Variants in LRP1B observed in about 807,000 individuals in gnomAD.
LRP1B encodes the protein LDL receptor related protein 1B, also known as low-density lipoprotein receptor-related protein 1B.
In LRP1B, 217 loss-of-function variants were observed where a neutral mutation model predicts 556.6. That is an observed-to-expected ratio of 0.39 (90% CI 0.35 to 0.44). LRP1B has a LOEUF of 0.44. Ranked by LOEUF, LRP1B falls within the 20% of genes least tolerant of loss-of-function variation. LRP1B has a pLI of 1.00. For synonymous variants in LRP1B, 2,047 were observed against 1,865.8 expected, an observed-to-expected ratio of 1.10 and a Z score of -2.50; for missense variants, 5,053 against 5,620.8, an observed-to-expected ratio of 0.90 and a Z score of 3.23.
At chr2:140,793,461 T>A (rs1490052048) in intron 32 of LRP1B, among the ~76,000 whole-genome samples, 2 of 152,010 alleles carry the variant, frequency 1.3e-5, no homozygotes, top group Non-Finnish European at 2.9e-5. Flanking sequence ...TATTAAAATA[T>A]GAACATTTTG....
intron 1 of LRP1B, among the ~76,000 whole-genome samples, chr2:142,067,789 C>T (rs1031599257): frequency 6.6e-6 from 1 of 151,558 alleles, no homozygotes; most frequent in Non-Finnish European, 1.5e-5. Context: ...GACCATAGCA[C>T]CTCTTATGAG....
intron 3 of LRP1B, among the ~76,000 whole-genome samples, chr2:141,460,570 T>A (rs1681828213): frequency 1.3e-5 from 2 of 152,146 alleles, no homozygotes; most frequent in Admixed American, 1.3e-4. Flanking sequence ...CCTGATATAA[T>A]CTGATTCAAG....
At chr2:140,771,303 A>T (rs1342056726) in intron 33 of LRP1B, among the ~76,000 whole-genome samples, 1 of 152,154 alleles carries the variant, frequency 6.6e-6, no homozygotes, top group African/African-American at 2.4e-5. Flanking sequence ...TTTTAAGATC[A>T]GAGAAACCAG....
intron 22 of LRP1B, among the ~76,000 whole-genome samples, 180 bp downstream of exon 22, chr2:140,907,697 A>T (rs565251225): frequency 7.9e-5 from 12 of 152,282 alleles, no homozygotes; most frequent in African/African-American, 2.6e-4. Flanking sequence ...ATTTCTGATC[A>T]CATTGAAGAC....
chr2:140,444,738 A>G lies in LRP1B; in HGVS notation c.10058-59T>C, dbSNP rs570132248. ...AATCTTACCTCACAACTTCTTAAACATAGAGTTTCTGACATTCAAGATATT... is the reference window on the plus strand; with the variant it reads ...AATCTTACCTCACAACTTCTTAAACGTAGAGTTTCTGACATTCAAGATATT... On this transcript the variant is annotated intron_variant, in intron 63 of 90. Coordinates refer to ENST00000389484, the MANE Select transcript of LRP1B (RefSeq NM_018557.3). 10 of 1,000,360 alleles carry G rather than the reference A, an allele frequency of 1.0e-5. No individual in the cohort carries two copies. In the African/African-American group the frequency reaches 1.1e-4, roughly 11 times the overall value. The allele number at this position is 1,000,360 out of a possible 1,614,324, so 62.0% of individuals were successfully genotyped here.
intron 3 of LRP1B, among the ~76,000 whole-genome samples, chr2:141,442,581 C>T (rs145568806): frequency 0.016 from 2,446 of 152,158 alleles, 31 homozygotes; most frequent in Non-Finnish European, 0.024. Flanking sequence ...CCTCCCTCAG[C>T]CCCCAACCTG....
chr2:140,846,772 AG>A (rs952964769), intron 29 of LRP1B, among the ~76,000 whole-genome samples: 16 of 152,108 alleles, frequency 1.1e-4, no homozygotes, highest in African/African-American at 3.9e-4. Context: ...AAGAAGAGAA[AG>A]GTTTCCACAG....
At chr2:141,938,227 A>G (rs1700694874) in intron 1 of LRP1B, among the ~76,000 whole-genome samples, 1 of 152,176 alleles carries the variant, frequency 6.6e-6, no homozygotes, top group Non-Finnish European at 1.5e-5. Context: ...TAATTTCTAA[A>G]GTATACAAGG....
intron 2 of LRP1B, among the ~76,000 whole-genome samples, chr2:141,715,751 G>T (rs1378048892): frequency 1.3e-5 from 2 of 152,116 alleles, no homozygotes; most frequent in Admixed American, 6.5e-5. Context: ...GGAGGCAGAG[G>T]TTGTAGTGAG....
intron 3 of LRP1B, among the ~76,000 whole-genome samples, chr2:141,330,005 A>ATT (rs1559009454): frequency 3.3e-5 from 5 of 151,692 alleles, no homozygotes; most frequent in African/African-American, 4.8e-5. Flanking sequence ...TTATAGATAA[A>ATT]AAAAAAAAGC....
At chr2:140,772,849 T>G (rs988273739) in intron 33 of LRP1B, among the ~76,000 whole-genome samples, 5 of 152,106 alleles carry the variant, frequency 3.3e-5, no homozygotes, top group African/African-American at 4.8e-5. Flanking sequence ...CTCATACCTG[T>G]AATCTCAGCA....
intron 2 of LRP1B, among the ~76,000 whole-genome samples, chr2:141,706,296 C>T (rs1362940397): frequency 1.3e-5 from 2 of 152,082 alleles, no homozygotes; most frequent in Non-Finnish European, 1.5e-5. Context: ...GTCTTCTCCG[C>T]CATGTAAATT....
intron 23 of LRP1B, chr2:140,898,857 A>G (rs778581561): frequency 5.0e-5 from 23 of 458,548 alleles, no homozygotes; most frequent in Non-Finnish European, 9.7e-5. Flanking sequence ...TCTGAAGTAT[A>G]CCTGACATAG....
chr2:141,412,556 A>G (rs1442483438), intron 3 of LRP1B, among the ~76,000 whole-genome samples: 4 of 152,182 alleles, frequency 2.6e-5, no homozygotes, highest in Non-Finnish European at 5.9e-5. Context: ...GACTTTGTGT[A>G]TGTACTGTAC....
At chr2:140,839,593 T>C (rs1303112346) in intron 31 of LRP1B, among the ~76,000 whole-genome samples, 1 of 152,194 alleles carries the variant, frequency 6.6e-6, no homozygotes, top group Non-Finnish European at 1.5e-5. Flanking sequence ...CTCTTGGACT[T>C]AACCAGTGAT....
intron 67 of LRP1B, 52 bp from the exon 68 acceptor site, chr2:140,378,338 T>C (rs1683326683): frequency 4.2e-6 from 4 of 943,634 alleles, no homozygotes; most frequent in East Asian, 2.4e-5. Flanking sequence ...AAGTGCATTG[T>C]AAAATTTATA....
Position 141,112,071 on chromosome 2 carries a change from T to TACATAATAAATAAATAAATAAATAAATA in LRP1B, c.1014-49799_1014-49798insTATTTATTTATTTATTTATTTATTATGT, listed in dbSNP as rs111423253. Among the ~76,000 whole-genome samples the TACATAATAAATAAATAAATAAATAAATA allele has an allele frequency of 2.1e-5, 3 of 145,754 alleles. No homozygotes were observed. In the East Asian group the frequency reaches 6.0e-4, roughly 29 times the overall value. ...AAAAATAAATAAATAAATAAATAAA[T>TACATAATAAATAAATAAATAAATAAATA]AATAAATAAATAAATAAATAAATAA... is the stretch of plus-strand genomic sequence containing the variant. On this transcript the variant is annotated intron_variant, in intron 7 of 90. Transcript: ENST00000389484.
intron 2 of LRP1B, 138 bp downstream of exon 2, chr2:141,810,134 AAAGAAAG>A: frequency 2.2e-6 from 1 of 459,014 alleles, no homozygotes; most frequent in Non-Finnish European, 3.6e-6. Flanking sequence ...AGAAAGAAAG[AAAGAAAG>A]AAAGAAAGAA....
At chr2:140,395,241 G>T (rs538456972) in intron 66 of LRP1B, among the ~76,000 whole-genome samples, 38 of 152,248 alleles carry the variant, frequency 2.5e-4, no homozygotes, top group African/African-American at 8.4e-4. Flanking sequence ...GTCATTTACT[G>T]CCAGAAGAGT....
Sources: gnomAD v4.1 joint callset for allele counts (sites outside exome capture counted in the v4.1 genomes callset) on GRCh38, gnomAD v4.1.1 for gene constraint, MANE v1.5 for transcripts, NCBI Gene and HGNC (gene_info 2026-07-23, HGNC 2026-07-21) for gene names.